Variants in SATB2 observed in about 807,000 individuals in gnomAD.
The protein encoded by SATB2 is DNA-binding protein SATB2.
A neutral mutation model predicts 73.4 loss-of-function variants in SATB2; 1 was observed. The ratio of observed to expected loss-of-function variants is 0.01; its 90% CI spans 0.00 to 0.06. The LOEUF is 0.06. SATB2 is among the 10% of genes least tolerant of loss of function. SATB2 has a pLI of 1.00. For missense variants in SATB2, 459 were observed against 945.8 expected (o/e 0.49, Z 6.75); for synonymous variants, 397 against 367.0 (o/e 1.08, Z -0.93).
intron 7 of SATB2, among the ~76,000 whole-genome samples, chr2:199,342,213 C>G (rs1369690736): frequency 2.0e-5 from 3 of 152,152 alleles, no homozygotes; most frequent in African/African-American, 7.2e-5. Context: ...GGGATGTTAT[C>G]TGCCTGAGGC....
rs547131132 is a variant in SATB2 at position 199,463,632 on chromosome 2, C to T, written c.-141+1204G>A. Among the ~76,000 whole-genome samples, 1 of 152,158 alleles carries T rather than the reference C, an allele frequency of 6.6e-6. No individual in the cohort carries two copies. The highest frequency in any genetic ancestry group is 1.5e-5 in the Non-Finnish European group (1 of 68,022). ...TCTGCCGGTCGCGTCCCGGAGCCAA[C>T]CCTTCCGCGTCGCCTGCAGTCCACG... On this transcript the variant is annotated intron_variant, in intron 1 of 11. Coordinates refer to the SATB2 transcript ENST00000260926. The surrounding 1 kb of genome is among the most constrained non-coding windows in gnomAD (Gnocchi z 6.4).
At chr2:199,407,166 C>CA (rs1406613616) in intron 3 of SATB2, among the ~76,000 whole-genome samples, 3 of 149,678 alleles carry the variant, frequency 2.0e-5, no homozygotes, top group Non-Finnish European at 3.0e-5. Context: ...ACCAAAAATA[C>CA]AAAAAAATTA....
chr2:199,344,811 T>G (rs1236310765), intron 7 of SATB2, among the ~76,000 whole-genome samples: 4 of 152,152 alleles, frequency 2.6e-5, no homozygotes, highest in Non-Finnish European at 5.9e-5. Flanking sequence ...ACACCAAATT[T>G]TGGAAAGTGT....
chr2:199,432,788 T>C (rs1691541067), intron 3 of SATB2, among the ~76,000 whole-genome samples: 1 of 152,152 alleles, frequency 6.6e-6, no homozygotes, highest in Admixed American at 6.5e-5. Context: ...GAAATAATGA[T>C]GCAATTTTAA....
intron 10 of SATB2, among the ~76,000 whole-genome samples, chr2:199,279,130 G>T (rs1320954859): frequency 6.6e-6 from 1 of 152,204 alleles, no homozygotes; most frequent in African/African-American, 2.4e-5. Flanking sequence ...AAATGGGCAT[G>T]AAGATGGCAA....
chr2:199,399,200 A>T (rs944764308), intron 3 of SATB2, among the ~76,000 whole-genome samples: 7 of 152,204 alleles, frequency 4.6e-5, no homozygotes, highest in Admixed American at 4.6e-4. Flanking sequence ...TGAGCCCGGG[A>T]GGCAGAGGTT....
chr2:199,409,666 T>C lies in SATB2; in HGVS notation c.346+23672A>G, dbSNP rs192134920. 8.7e-3 allele frequency among the ~76,000 whole-genome samples: 1,309 copies of C among 151,028 alleles called. 17 individuals carry two copies. Among genetic ancestry groups the C allele is most frequent in the African/African-American group, 0.03 (1,204 of 40,440 alleles). On this transcript the variant is annotated intron_variant, in intron 3 of 10. Coordinates refer to ENST00000417098, the MANE Select transcript of SATB2 (RefSeq NM_001172509.2). ...CCAAGACAAGTTTTTTTTGTTTTTT[T>C]TTGTTTTTTTTTGTTTTCTATACCA...
intron 6 of SATB2, among the ~76,000 whole-genome samples, chr2:199,355,652 A>T (rs978894309): frequency 1.3e-5 from 2 of 152,010 alleles, no homozygotes; most frequent in African/African-American, 4.8e-5. Flanking sequence ...GATTATCTGT[A>T]AAATGGGAAG....
intron 6 of SATB2, among the ~76,000 whole-genome samples, chr2:199,362,354 C>T (rs1342364685): frequency 7.1e-6 from 1 of 141,100 alleles, no homozygotes; most frequent in African/African-American, 2.6e-5. Context: ...CTCTCCCTAA[C>T]CGCCCACCCC....
chr2:199,452,104 A>G (rs1692142022), intron 2 of SATB2, among the ~76,000 whole-genome samples: 1 of 152,166 alleles, frequency 6.6e-6, no homozygotes, highest in African/African-American at 2.4e-5. Context: ...TAGAACATTT[A>G]ACACCAAAAA....
At chr2:199,456,967 T>TGAGGG (rs1692296850) in intron 1 of SATB2, among the ~76,000 whole-genome samples, 1 of 39,814 alleles carries the variant, frequency 2.5e-5, no homozygotes, top group Non-Finnish European at 6.5e-5. Context: ...ACCCCTGGAT[T>TGAGGG]GGGGGGGTGG....
chr2:199,391,519 T>G (rs959275650), intron 3 of SATB2, among the ~76,000 whole-genome samples: 1 of 152,102 alleles, frequency 6.6e-6, no homozygotes, highest in African/African-American at 2.4e-5. Flanking sequence ...TCAGGGACAT[T>G]TTCATATATA....
At chr2:199,387,038 CTTTATGTTACTTTACAGT>C (rs1689983963) in intron 3 of SATB2, among the ~76,000 whole-genome samples, 1 of 152,152 alleles carries the variant, frequency 6.6e-6, no homozygotes, top group Admixed American at 6.5e-5. Context: ...CACAATATCC[CTTTATGTTACTTTACAGT>C]TTGCACAGTG....
intron 10 of SATB2, among the ~76,000 whole-genome samples, chr2:199,278,292 G>A (rs1331466928): frequency 6.6e-6 from 1 of 152,162 alleles, no homozygotes; most frequent in East Asian, 1.9e-4. Context: ...AAGTCAGCAC[G>A]TTAGAGCTGT....
intron 3 of SATB2, among the ~76,000 whole-genome samples, chr2:199,428,955 A>C (rs1691416000): frequency 6.7e-6 from 1 of 148,916 alleles, no homozygotes; most frequent in Non-Finnish European, 1.5e-5. Flanking sequence ...GCAGTAAGCT[A>C]TGATTGTGCC....
intron 10 of SATB2, among the ~76,000 whole-genome samples, chr2:199,306,992 A>T (rs1687450826): frequency 6.6e-6 from 1 of 152,160 alleles, no homozygotes; most frequent in Non-Finnish European, 1.5e-5. Context: ...TACTGAACTA[A>T]GATAGGCCCT....
intron 10 of SATB2, among the ~76,000 whole-genome samples, chr2:199,275,990 A>G (rs1207170482): frequency 6.6e-6 from 1 of 152,188 alleles, no homozygotes; most frequent in African/African-American, 2.4e-5. Flanking sequence ...AACTATCTGT[A>G]TTCCCCTAAA....
At chr2:199,316,605 T>C (rs1241179912) in intron 9 of SATB2, among the ~76,000 whole-genome samples, 2 of 152,074 alleles carry the variant, frequency 1.3e-5, no homozygotes, top group Non-Finnish European at 2.9e-5. Flanking sequence ...TCTGTAAAGA[T>C]TGAGTCTGTA....
chr2:199,364,219 ATTAC>A (rs1426051828), intron 6 of SATB2, among the ~76,000 whole-genome samples: 1 of 152,170 alleles, frequency 6.6e-6, no homozygotes, highest in Non-Finnish European at 1.5e-5. Flanking sequence ...AATGATCATA[ATTAC>A]TTATTTCTTT....
Sources: allele counts gnomAD v4.1 joint callset (sites outside exome capture counted in the v4.1 genomes callset), GRCh38; gene constraint gnomAD v4.1.1; non-coding constraint Gnocchi (gnomAD v3.1); transcripts MANE v1.5; gene names NCBI Gene and HGNC (gene_info 2026-07-23, HGNC 2026-07-21).